Variants in ASPG observed in about 807,000 individuals in gnomAD.
The protein encoded by ASPG is 60 kDa lysophospholipase.
A neutral mutation model predicts 63.2 loss-of-function variants in ASPG; 53 were observed. The observed-to-expected ratio is 0.84, with a 90% CI of 0.67 to 1.05. The LOEUF is 1.05. Among genes scored for constraint, ASPG ranks in the 50% least tolerant of loss-of-function variants. The pLI, the probability that ASPG is intolerant of heterozygous loss-of-function variation, is 0.00. For missense variants in ASPG, 741 were observed against 794.4 expected (o/e 0.93, Z 0.81); for synonymous variants, 370 against 355.0 (o/e 1.04, Z -0.48).
At chr14:104,103,355 G>A (rs1206389439) in intron 6 of ASPG, among the ~76,000 whole-genome samples, 3 of 152,256 alleles carry the variant, frequency 2.0e-5, no homozygotes, top group African/African-American at 7.2e-5. Flanking sequence ...CCCCGTGCAC[G>A]CTGCGGAGCC....
chr14:104,095,543 C>A lies in ASPG; in HGVS notation c.316C>A (p.Gln106Lys). ...LAQTIKRHYEQYHGFVVIHGT... is the reference protein window; with the variant it reads ...LAQTIKRHYEKYHGFVVIHGT... The stretch of plus-strand genomic sequence containing the variant: ...GCCCCTCCTGCAGAGGCACTACGAG[C>A]AGTACCACGGCTTTGTGGTCATCCA... The change falls in exon 4 of 16, where the codon CAG becomes AAG. Residue 106 changes from glutamine (Q) to lysine (K), a missense_variant. By Grantham distance (53) the Gln-to-Lys change is moderately conservative. Transcript: ENST00000551177. 6.2e-7 allele frequency: 1 copy of A among 1,613,050 alleles called. No individual in the cohort carries two copies. Among genetic ancestry groups the A allele is most frequent in the Non-Finnish European group, 8.5e-7 (1 of 1,179,796 alleles).
In ASPG at chr14:104,115,064, A is replaced by T. The variant is rs1038612126; in HGVS notation, c.*2520A>T. 2.6e-5 allele frequency: 4 copies of T among 152,086 alleles called. No homozygotes were observed. Among genetic ancestry groups the T allele is most frequent in the African/African-American group, 9.7e-5 (4 of 41,416 alleles). 9.4% of individuals were successfully genotyped at this position (152,086 alleles called of 1,614,324 possible). ...GCCTTGGTTCCTATAGCCCATCTCG[A>T]ATCACCTGGATCCCAGGGCTATCTC... On this transcript the variant is annotated 3_prime_UTR_variant, in exon 16 of 16. Coordinates refer to ENST00000551177, the MANE Select transcript of ASPG (RefSeq NM_001080464.3).
At position 104,114,701 on chromosome 14, in the gene ASPG, T is replaced by C. The variant is rs987433570; in HGVS notation, c.*2157T>C. On this transcript the variant is annotated 3_prime_UTR_variant, in exon 16 of 16. Coordinates refer to ENST00000551177, the MANE Select transcript of ASPG (RefSeq NM_001080464.3). ...AGGCCTCTGGCTCTCTGGCGTGCAG[T>C]GGGAACAGCCGGGACAGACAGGCTT... The C allele has an allele frequency of 4.6e-5, 7 of 152,226 alleles. No homozygotes were observed. Among genetic ancestry groups the C allele is most frequent in the Admixed American group, 1.3e-4 (2 of 15,286 alleles). The allele number at this position is 152,226 out of a possible 1,614,324, so 9.4% of individuals were successfully genotyped here.
chr14:104,093,164 CACCACA>C lies in ASPG; in HGVS notation c.192-326_192-321del, dbSNP rs1427581669. ...GGGAGTTGCCCTCGTGGTGGCTGACCACCACAGCCGCCACAGGCGAGCCTCCTGCAA... is the reference window on the plus strand; with the variant it reads ...GGGAGTTGCCCTCGTGGTGGCTGACCGCCGCCACAGGCGAGCCTCCTGCAA... On this transcript the variant is annotated intron_variant, in intron 2 of 15. Transcript: ENST00000551177. 11 of 507,168 alleles carry C rather than the reference CACCACA, an allele frequency of 2.2e-5. No individual in the cohort carries two copies. The East Asian group carries it at 4.0e-4, about 18-fold the overall frequency. The allele number at this position is 507,168 out of a possible 1,614,324, so 31.4% of individuals were successfully genotyped here. A position where few individuals can be genotyped will look rare whatever the true frequency, so the allele number is the denominator to read the frequency against.
Position 104,105,391 on chromosome 14 carries a change from C to A in ASPG, c.1114C>A (p.Leu372Met), listed in dbSNP as rs1230841371. The change falls in exon 10 of 16, where the codon CTG becomes ATG. Residue 372 changes from leucine (L) to methionine (M), a missense_variant. Physicochemically the swap from Leu to Met is conservative, Grantham distance 15. Coordinates refer to ENST00000551177, the MANE Select transcript of ASPG (RefSeq NM_001080464.3). ...CTCGGTGGAAGAGCGCCGGCCCTCA[C>A]TGCAGGGCAACACGCTGGGCGGTGG... ...PPSVEERRPSLQGNTLGGGVS... is the reference protein window; with the variant it reads ...PPSVEERRPSMQGNTLGGGVS... The A allele has an allele frequency of 2.5e-6, 4 of 1,612,320 alleles. No individual in the cohort carries two copies. Among genetic ancestry groups the A allele is most frequent in the Non-Finnish European group, 3.4e-6 (4 of 1,179,696 alleles).
At chr14:104,101,154 G>A (rs1185335387) in intron 6 of ASPG, among the ~76,000 whole-genome samples, 4 of 152,164 alleles carry the variant, frequency 2.6e-5, no homozygotes, top group East Asian at 3.9e-4. Context: ...TGTTTCCCAC[G>A]TGCGTGTGGG....
At chr14:104,089,996 A>C (rs1487360617) in intron 1 of ASPG, among the ~76,000 whole-genome samples, 1 of 151,824 alleles carries the variant, frequency 6.6e-6, no homozygotes, top group Non-Finnish European at 1.5e-5. Flanking sequence ...GAAGAAAAAG[A>C]AAAAAGAAAG....
chr14:104,095,737 C>A, intron 4 of ASPG, 81 bp downstream of exon 4: 4 of 1,559,390 alleles, frequency 2.6e-6, no homozygotes, highest in South Asian at 1.1e-5. Context: ...GCGGCCGCTG[C>A]GGGACCCCGG....
chr14:104,108,837 G>T, intron 12 of ASPG: 1 of 985,408 alleles, frequency 1.0e-6, no homozygotes, highest in Non-Finnish European at 1.2e-6. Flanking sequence ...GGGCCGGTCA[G>T]CTCATGTAAG....
At chr14:104,088,098 C>T (rs560329139) in intron 1 of ASPG, among the ~76,000 whole-genome samples, 315 of 152,344 alleles carry the variant, frequency 2.1e-3, no homozygotes, top group African/African-American at 7.3e-3. Flanking sequence ...GCTCCCCCAA[C>T]CCCTCGTGAG....
intron 10 of ASPG, among the ~76,000 whole-genome samples, chr14:104,106,152 CTGT>C (rs1381630730): frequency 6.6e-6 from 1 of 152,252 alleles, no homozygotes; most frequent in Non-Finnish European, 1.5e-5. Flanking sequence ...CGTGCATGGC[CTGT>C]TATTAGGGTG....
intron 1 of ASPG, among the ~76,000 whole-genome samples, chr14:104,086,715 C>T (rs1009255411): frequency 1.3e-5 from 2 of 152,104 alleles, no homozygotes; most frequent in African/African-American, 2.4e-5. Context: ...CCCCTCGCCC[C>T]GTCTTGAACC....
At chr14:104,085,904 G>T in intron 1 of ASPG, 52 bp downstream of exon 1, 1 of 1,514,996 alleles carries the variant, frequency 6.6e-7, no homozygotes, top group South Asian at 1.2e-5. Context: ...CCGCGACCGG[G>T]AGCCTCGGAC....
In ASPG at chr14:104,092,662, A is replaced by G. The variant is rs897306706; in HGVS notation, c.112A>G (p.Ile38Val). 6 of 1,537,160 alleles carry G rather than the reference A, an allele frequency of 3.9e-6. No individual in the cohort carries two copies. The highest frequency in any genetic ancestry group is 2.6e-6 in the Non-Finnish European group (3 of 1,147,546). The change falls in exon 2 of 16, where the codon ATC becomes GTC. Residue 38 changes from isoleucine (I) to valine (V), a missense_variant. Coordinates refer to ENST00000551177, the MANE Select transcript of ASPG (RefSeq NM_001080464.3). Reference sequence around the variant, plus strand: ...TGTGCCCGGGACGGGCCTGGCTGCCATCCTGAGGACACTGCCCATGTTCCA... The same window carrying G: ...TGTGCCCGGGACGGGCCTGGCTGCCGTCCTGAGGACACTGCCCATGTTCCA... ...VLVPGTGLAA[I>V]LRTLPMFHDE...
intron 12 of ASPG, chr14:104,108,283 G>A: frequency 1.3e-5 from 5 of 388,174 alleles, no homozygotes; most frequent in Non-Finnish European, 1.4e-5. Flanking sequence ...GTCCCCCCGA[G>A]CAGGGCTGGG....
At chr14:104,112,097 C>A in intron 15 of ASPG, 97 bp downstream of exon 15, 1 of 1,192,366 alleles carries the variant, frequency 8.4e-7, no homozygotes, top group Non-Finnish European at 1.2e-6. Flanking sequence ...GGGAACAGAA[C>A]CGGAGGAGGC....
Position 104,112,784 on chromosome 14 carries a change from C to A in ASPG, c.*240C>A. 1 of 875,336 alleles carries A rather than the reference C, an allele frequency of 1.1e-6. No homozygotes were observed. The highest frequency in any genetic ancestry group is 1.7e-6 in the Non-Finnish European group (1 of 590,814). 54.2% of individuals were successfully genotyped at this position (875,336 alleles called of 1,614,324 possible). A position where few individuals can be genotyped will look rare whatever the true frequency, so the allele number is the denominator to read the frequency against. ...GTGGATGTGTGTGGGGAGTCAGGCCCAGGCTCTGTGGGGTCTCTGCGGGGG... is the reference window on the plus strand; with the variant it reads ...GTGGATGTGTGTGGGGAGTCAGGCCAAGGCTCTGTGGGGTCTCTGCGGGGG... On this transcript the variant is annotated 3_prime_UTR_variant, in exon 16 of 16. Transcript: ENST00000551177.
In ASPG at chr14:104,110,173, G is replaced by T. The variant is rs1416108800; in HGVS notation, c.1520+858G>T. 2.7e-5 allele frequency: 27 copies of T among 985,208 alleles called. No homozygotes were observed. The highest frequency in any genetic ancestry group is 7.2e-6 in the Non-Finnish European group (6 of 829,912). 61.0% of individuals were successfully genotyped at this position (985,208 alleles called of 1,614,324 possible). ...GGGCCGGGTGCAGGTGGTGGCTGGGGTGGGGGTGCTGTGAGTGGTGGGGTC... is the reference window on the plus strand; with the variant it reads ...GGGCCGGGTGCAGGTGGTGGCTGGGTTGGGGGTGCTGTGAGTGGTGGGGTC... On this transcript the variant is annotated intron_variant, in intron 13 of 15. Transcript: ENST00000551177. This position sits in a 1 kb window ranked among gnomAD's most constrained non-coding sequence, Gnocchi z 4.7.
In ASPG at chr14:104,098,857, G is replaced by A; in HGVS notation, c.518G>A (p.Cys173Tyr). ...MAGQYVIPEV[C>Y]LFFQNQLFRG... ...TCTGTCGCTCCGTTCCCGCAGGTCT[G>A]CCTTTTCTTCCAGAATCAGCTGTTT... Residue 173 changes from cysteine (C) to tyrosine (Y), a missense_variant, in exon 6 of 16, where the codon TGC becomes TAC. Cys to Tyr is a radical substitution (Grantham distance 194, BLOSUM62 -2). Coordinates refer to ENST00000551177, the MANE Select transcript of ASPG (RefSeq NM_001080464.3). 6.2e-7 allele frequency: 1 copy of A among 1,612,902 alleles called. No individual in the cohort carries two copies.
Sources: allele counts gnomAD v4.1 joint callset (sites outside exome capture counted in the v4.1 genomes callset), GRCh38; gene constraint gnomAD v4.1.1; non-coding constraint Gnocchi (gnomAD v3.1); transcripts MANE v1.5; gene names NCBI Gene and HGNC (gene_info 2026-07-23, HGNC 2026-07-21).